The following MSI2 variants were observed in gnomAD, a reference collection of about 807,000 sequenced individuals.
The protein encoded by MSI2 is RNA-binding protein Musashi homolog 2.
MSI2 carries 17 observed loss-of-function variants against 45.6 expected under a neutral mutation model. The observed-to-expected ratio is 0.37, with a 90% CI of 0.26 to 0.56. The LOEUF (loss-of-function observed/expected upper bound fraction) is 0.56, where lower values mean the gene tolerates loss of function less well. Ranked by LOEUF, MSI2 falls within the 20% of genes least tolerant of loss-of-function variation. The probability of loss-of-function intolerance (pLI) is 0.77; values close to 1 mark genes in which losing one functional copy is unlikely to be tolerated. For synonymous variants in MSI2, 156 were observed against 158.2 expected (o/e 0.99, Z 0.11); for missense variants, 293 against 444.2 (o/e 0.66, Z 3.06).
chr17:57,446,181 G>A (rs1257515160), intron 6 of MSI2, among the ~76,000 whole-genome samples: 6 of 152,162 alleles, frequency 3.9e-5, no homozygotes, highest in Non-Finnish European at 5.9e-5. Context: ...GTCGATTTAG[G>A]CATAGCCTTC....
At chr17:57,618,790 C>T (rs1208807605) in intron 9 of MSI2, among the ~76,000 whole-genome samples, 9 of 152,208 alleles carry the variant, frequency 5.9e-5, no homozygotes, top group Non-Finnish European at 1.0e-4. Flanking sequence ...GATCCACCCG[C>T]CTCAGCCTCC....
chr17:57,497,777 G>A (rs760573478), intron 6 of MSI2, among the ~76,000 whole-genome samples: 7 of 152,202 alleles, frequency 4.6e-5, no homozygotes, highest in African/African-American at 9.6e-5. Flanking sequence ...TGTGACTGAT[G>A]CACACGCAGG....
chr17:57,400,606 T>G (rs2083971355), intron 5 of MSI2, among the ~76,000 whole-genome samples: 1 of 152,072 alleles, frequency 6.6e-6, no homozygotes, highest in Non-Finnish European at 1.5e-5. Flanking sequence ...ATGGAGACAC[T>G]GTTAGGGGGT....
chr17:57,613,491 TAA>T (rs10711103), intron 8 of MSI2, among the ~76,000 whole-genome samples: 7 of 151,218 alleles, frequency 4.6e-5, no homozygotes, highest in Admixed American at 2.0e-4. Context: ...TTCCTTTTAT[TAA>T]AAAAAAAAAT....
chr17:57,594,223 G>A (rs947116918), intron 7 of MSI2, among the ~76,000 whole-genome samples: 2 of 152,200 alleles, frequency 1.3e-5, no homozygotes, highest in African/African-American at 2.4e-5. Flanking sequence ...CGCGGCCTCC[G>A]CAGTGCCACC....
At chr17:57,472,442 A>T (rs1197900505) in intron 6 of MSI2, among the ~76,000 whole-genome samples, 1 of 151,906 alleles carries the variant, frequency 6.6e-6, no homozygotes, top group African/African-American at 2.4e-5. Context: ...GAAGACAAAA[A>T]ACCTAGCCAT....
At chr17:57,606,109 G>A (rs1249813902) in intron 8 of MSI2, 1 of 152,396 alleles carries the variant, frequency 6.6e-6, no homozygotes, top group African/African-American at 2.4e-5. Context: ...GTGCAGGGAG[G>A]GTTAGGGAGA....
rs75266713 is a variant in MSI2 at position 57,600,623 on chromosome 17, C to A, written c.537+3673C>A. Among the ~76,000 whole-genome samples the A allele has an allele frequency of 2.0e-4, 31 of 152,232 alleles. 1 individual carries two copies. The East Asian group carries it at 5.0e-3, about 25-fold the overall frequency. Reference sequence around the variant, plus strand: ...ACCATGCAGAAGGGCCAGGAGAAGGCGTGAGTCATTCTACTCACAGGGGAC... The same window carrying A: ...ACCATGCAGAAGGGCCAGGAGAAGGAGTGAGTCATTCTACTCACAGGGGAC... On this transcript the variant is annotated intron_variant, in intron 8 of 13. Transcript: ENST00000284073.
chr17:57,502,636 T>TATATATATATATATATATATATATAGAG, intron 6 of MSI2, among the ~76,000 whole-genome samples: 3 of 96,900 alleles, frequency 3.1e-5, no homozygotes. Flanking sequence ...TATATATATA[T>TATATATATATATATATATATATATAGAG]AGTCATCATT....
In MSI2 at chr17:57,357,519, C is replaced by T. The variant is rs149259468; in HGVS notation, c.313-43860C>T. 2.0e-4 allele frequency among the ~76,000 whole-genome samples: 31 copies of T among 152,294 alleles called. 1 individual carries two copies. The East Asian group carries it at 5.4e-3, about 27-fold the overall frequency. ...TTGTGCTTTCTTGGCACCGCTGGGT[C>T]GTGCCTGCTCAGACCTGGTCAGTGT... is the stretch of plus-strand genomic sequence containing the variant. On this transcript the variant is annotated intron_variant, in intron 5 of 13. Coordinates refer to ENST00000284073, the MANE Select transcript of MSI2 (RefSeq NM_138962.4).
chr17:57,405,460 T>A (rs1004551162), intron 6 of MSI2, among the ~76,000 whole-genome samples: 10 of 152,342 alleles, frequency 6.6e-5, no homozygotes, highest in Middle Eastern at 3.4e-3. Flanking sequence ...GTCAGTAATG[T>A]AGAAAGTATT....
intron 10 of MSI2, among the ~76,000 whole-genome samples, chr17:57,645,445 T>TGA: frequency 6.6e-6 from 1 of 151,974 alleles, no homozygotes; most frequent in Admixed American, 6.6e-5. Context: ...TTTTTGGTTT[T>TGA]TTTTTTTTGA....
intron 5 of MSI2, among the ~76,000 whole-genome samples, chr17:57,364,605 T>A (rs1917053252): frequency 6.6e-6 from 1 of 152,118 alleles, no homozygotes; most frequent in Non-Finnish European, 1.5e-5. Context: ...TTTCCACCCA[T>A]ACAATAACCA....
At chr17:57,431,734 A>G (rs1244859711) in intron 6 of MSI2, among the ~76,000 whole-genome samples, 1 of 152,204 alleles carries the variant, frequency 6.6e-6, no homozygotes. Flanking sequence ...TTGTGGTGGC[A>G]AGAAGATAGG....
At chr17:57,671,848 C>CTT (rs1433142216) in intron 11 of MSI2, among the ~76,000 whole-genome samples, 1 of 152,218 alleles carries the variant, frequency 6.6e-6, no homozygotes, top group Non-Finnish European at 1.5e-5. Flanking sequence ...TTTTATGAGT[C>CTT]TTCTCAAAGA....
chr17:57,546,016 AG>A (rs2087158813), intron 7 of MSI2, among the ~76,000 whole-genome samples: 1 of 152,088 alleles, frequency 6.6e-6, no homozygotes, highest in Non-Finnish European at 1.5e-5. Flanking sequence ...TCGACAGCCG[AG>A]GGGCAGCTGC....
At chr17:57,523,838 T>G (rs116725386) in intron 6 of MSI2, among the ~76,000 whole-genome samples, 2,285 of 152,324 alleles carry the variant, frequency 0.015, 45 homozygotes, top group African/African-American at 0.05. Context: ...TATTTTAGAC[T>G]GTCTATCTTC....
chr17:57,649,195 C>T (rs527929181), intron 10 of MSI2, among the ~76,000 whole-genome samples: 37 of 152,272 alleles, frequency 2.4e-4, no homozygotes, highest in African/African-American at 6.3e-4. Flanking sequence ...GTACACAATA[C>T]GTACACTCAA....
intron 7 of MSI2, among the ~76,000 whole-genome samples, chr17:57,563,748 A>ACACACAGGCGCGCG (rs1567902540): frequency 3.6e-4 from 39 of 106,914 alleles, no homozygotes; most frequent in African/African-American, 1.5e-3. Context: ...ACAGGCGCGC[A>ACACACAGGCGCGCG]CACACACACA....
Sources: allele counts gnomAD v4.1 joint callset (sites outside exome capture counted in the v4.1 genomes callset), GRCh38; gene constraint gnomAD v4.1.1; transcripts MANE v1.5; gene names NCBI Gene and HGNC (gene_info 2026-07-23, HGNC 2026-07-21).